Variants in METTL15 observed in about 807,000 individuals in gnomAD.
METTL15 encodes the protein 12S rRNA N(4)-cytidine methyltransferase METTL15.
METTL15 carries 34 observed loss-of-function variants against 38.3 expected under a neutral mutation model. The observed-to-expected ratio is 0.89, with a 90% CI of 0.68 to 1.18. The LOEUF (loss-of-function observed/expected upper bound fraction) is 1.18, where lower values mean the gene tolerates loss of function less well. Ranked by LOEUF, METTL15 falls within the 50% of genes most tolerant of loss-of-function variation. The pLI is 0.00. For synonymous variants in METTL15, 162 were observed against 170.9 expected, an observed-to-expected ratio of 0.95 and a Z score of 0.41; for missense variants, 438 against 498.4, an observed-to-expected ratio of 0.88 and a Z score of 1.15.
intron 5 of METTL15, among the ~76,000 whole-genome samples, chr11:28,395,087 A>G (rs1850554395): frequency 6.6e-6 from 1 of 152,074 alleles, no homozygotes; most frequent in South Asian, 2.1e-4. Context: ...CCACAAGCTT[A>G]TTGTATTTGA....
At chr11:28,169,208 A>G (rs1590856318) in intron 3 of METTL15, among the ~76,000 whole-genome samples, 1 of 152,310 alleles carries the variant, frequency 6.6e-6, no homozygotes, top group East Asian at 1.9e-4. Context: ...TAGATTTGAC[A>G]GAGAAATATG....
At chr11:28,434,458 C>A (rs1850963875) in intron 6 of METTL15, among the ~76,000 whole-genome samples, 2 of 152,224 alleles carry the variant, frequency 1.3e-5, no homozygotes. Flanking sequence ...TTGTTGAATT[C>A]TCATATTGGT....
intron 5 of METTL15, among the ~76,000 whole-genome samples, chr11:28,402,267 C>T (rs1160245302): frequency 6.6e-6 from 1 of 151,954 alleles, no homozygotes; most frequent in Non-Finnish European, 1.5e-5. Context: ...TCTCCAGTGC[C>T]TTTACTTTCC....
intron 4 of METTL15, among the ~76,000 whole-genome samples, chr11:28,239,030 G>A (rs1482377709): frequency 6.6e-6 from 1 of 151,054 alleles, no homozygotes; most frequent in African/African-American, 2.4e-5. Context: ...CCTAATATTT[G>A]TTCTTCTTCA....
chr11:28,238,005 C>T (rs1008458036), intron 4 of METTL15, among the ~76,000 whole-genome samples: 1 of 152,176 alleles, frequency 6.6e-6, no homozygotes, highest in African/African-American at 2.4e-5. Context: ...AGGTGTCAGT[C>T]TGCCCCTGCT....
intron 6 of METTL15, among the ~76,000 whole-genome samples, chr11:28,459,233 T>C (rs371203040): frequency 6.6e-6 from 1 of 152,222 alleles, no homozygotes; most frequent in African/African-American, 2.4e-5. Flanking sequence ...TTAGCTGATA[T>C]GTAACTACAT....
chr11:28,371,944 T>C (rs1347674657), intron 5 of METTL15, among the ~76,000 whole-genome samples: 2 of 152,084 alleles, frequency 1.3e-5, no homozygotes, highest in Non-Finnish European at 2.9e-5. Flanking sequence ...ATAAGGATAA[T>C]TGAACTTCCT....
intron 4 of METTL15, among the ~76,000 whole-genome samples, chr11:28,353,568 T>G (rs1481877357): frequency 1.3e-5 from 2 of 152,142 alleles, no homozygotes; most frequent in African/African-American, 4.8e-5. Flanking sequence ...AGGTATAATC[T>G]TTGTGTAAAA....
At chr11:28,478,785 ATCT>A (rs1322018051) in intron 6 of METTL15, among the ~76,000 whole-genome samples, 1 of 152,168 alleles carries the variant, frequency 6.6e-6, no homozygotes, top group Non-Finnish European at 1.5e-5. Context: ...TTTACAAATG[ATCT>A]TCTAGTTTTT....
At chr11:28,315,759 C>T (rs953659578) in intron 6 of METTL15, among the ~76,000 whole-genome samples, 3 of 152,212 alleles carry the variant, frequency 2.0e-5, no homozygotes, top group African/African-American at 4.8e-5. Context: ...GGACTTGGTA[C>T]CCTGCGTTCC....
chr11:28,304,573 G>A (rs1857017601), intron 6 of METTL15, among the ~76,000 whole-genome samples: 2 of 152,066 alleles, frequency 1.3e-5, no homozygotes, highest in East Asian at 1.9e-4. Flanking sequence ...AAAATTAGCC[G>A]GGTGTGGTGG....
intron 3 of METTL15, chr11:28,125,443 C>A (rs1245341334): frequency 6.6e-6 from 1 of 151,888 alleles, no homozygotes; most frequent in Non-Finnish European, 1.5e-5. Context: ...TATCTGAGTT[C>A]TATGCAGTTG....
In METTL15 at chr11:28,399,421, A is replaced by T. The variant is rs76170411; in HGVS notation, c.*359-24878A>T. ...CCTGCGGCTACTATTAGGGAAAATG[A>T]AACTCTCCTTTCATCCTTTGCAGAA... On this transcript the variant is annotated intron_variant and NMD_transcript_variant, in intron 5 of 7. Coordinates refer to the METTL15 transcript ENST00000532947. 1.9e-3 allele frequency among the ~76,000 whole-genome samples: 288 copies of T among 152,106 alleles called. 4 individuals carry two copies. In the East Asian group the frequency reaches 0.036, roughly 19 times the overall value.
At chr11:28,510,188 C>A (rs1181288514) in intron 6 of METTL15, among the ~76,000 whole-genome samples, 2 of 151,694 alleles carry the variant, frequency 1.3e-5, no homozygotes, top group Non-Finnish European at 2.9e-5. Flanking sequence ...TGATAAGTAT[C>A]AAAATAAATT....
chr11:28,531,243 C>G (rs1397197316), downstream of METTL15, among the ~76,000 whole-genome samples: 1 of 151,978 alleles, frequency 6.6e-6, no homozygotes, highest in African/African-American at 2.4e-5. Context: ...ATCCCAGCTC[C>G]CATGGACCTA....
chr11:28,140,388 G>A (rs1355558250), intron 3 of METTL15, among the ~76,000 whole-genome samples: 2 of 152,106 alleles, frequency 1.3e-5, no homozygotes, highest in South Asian at 4.1e-4. Flanking sequence ...GTTTTTGGGG[G>A]TACTCTCCAG....
intron 4 of METTL15, among the ~76,000 whole-genome samples, chr11:28,275,997 A>G (rs1003710609): frequency 2.0e-5 from 3 of 152,136 alleles, no homozygotes; most frequent in African/African-American, 7.2e-5. Context: ...ATCATACTGA[A>G]TAAAGAGAAG....
At chr11:28,361,279 G>T (rs1279048665) in intron 4 of METTL15, among the ~76,000 whole-genome samples, 2 of 151,070 alleles carry the variant, frequency 1.3e-5, no homozygotes, top group East Asian at 1.9e-4. Flanking sequence ...CCCACCAACA[G>T]TGTAAAAGTG....
chr11:28,206,054 G>A (rs1354198123), intron 3 of METTL15, among the ~76,000 whole-genome samples: 5 of 143,022 alleles, frequency 3.5e-5, no homozygotes, highest in African/African-American at 1.4e-4. Context: ...CCATTCTGTA[G>A]GTTGCCTGTT....
Sources: gnomAD v4.1 joint callset for allele counts (sites outside exome capture counted in the v4.1 genomes callset) on GRCh38, gnomAD v4.1.1 for gene constraint, MANE v1.5 for transcripts, NCBI Gene and HGNC (gene_info 2026-07-23, HGNC 2026-07-21) for gene names.